SCN8A: variants seen among roughly 807,000 people sequenced by gnomAD.
The protein encoded by SCN8A is sodium channel protein type 8 subunit alpha.
A neutral mutation model predicts 184.1 loss-of-function variants in SCN8A; 30 were observed. That is an observed-to-expected ratio of 0.16 (90% CI 0.12 to 0.22). The LOEUF (loss-of-function observed/expected upper bound fraction) is 0.22. Among genes scored for constraint, SCN8A ranks in the 10% least tolerant of loss-of-function variants. The pLI is 1.00. For synonymous variants in SCN8A, 852 were observed against 907.0 expected (o/e 0.94, Z 1.09); for missense variants, 1,057 against 2,498.9 (o/e 0.42, Z 12.30).
intron 1 of SCN8A, among the ~76,000 whole-genome samples, chr12:51,608,875 G>A (rs928068739): frequency 6.6e-6 from 1 of 152,154 alleles, no homozygotes; most frequent in Non-Finnish European, 1.5e-5. Flanking sequence ...GTTTAGGGCC[G>A]TGAACTTTCC....
intron 14 of SCN8A, among the ~76,000 whole-genome samples, chr12:51,756,565 T>G (rs1341855156): frequency 6.6e-6 from 1 of 152,246 alleles, no homozygotes; most frequent in Non-Finnish European, 1.5e-5. Context: ...CCCACCACAC[T>G]TGGGCCTCAA....
At chr12:51,731,608 A>G (rs1195850607) in intron 12 of SCN8A, among the ~76,000 whole-genome samples, 1 of 152,130 alleles carries the variant, frequency 6.6e-6, no homozygotes, top group Non-Finnish European at 1.5e-5. Context: ...TCCGGATCGT[A>G]AGGTAGCTCT....
At chr12:51,789,554 C>A in intron 24 of SCN8A, 136 bp downstream of exon 24, 7 of 1,003,544 alleles carry the variant, frequency 7.0e-6, no homozygotes, top group Non-Finnish European at 1.0e-5. Flanking sequence ...GACCCTGGCC[C>A]CCATACGTTA....
At chr12:51,732,620 T>G (rs1319991152) in intron 12 of SCN8A, among the ~76,000 whole-genome samples, 4 of 152,204 alleles carry the variant, frequency 2.6e-5, no homozygotes, top group African/African-American at 9.6e-5. Context: ...CCATTGGTAT[T>G]TTGATAGGGA....
At chr12:51,804,381 T>C (rs1938635730) in intron 26 of SCN8A, among the ~76,000 whole-genome samples, 1 of 151,814 alleles carries the variant, frequency 6.6e-6, no homozygotes, top group African/African-American at 2.4e-5. Flanking sequence ...GGCTGGGGTG[T>C]GATCTCAGCT....
chr12:51,665,986 C>G (rs1199882195), intron 2 of SCN8A, among the ~76,000 whole-genome samples: 1 of 152,056 alleles, frequency 6.6e-6, no homozygotes, highest in Non-Finnish European at 1.5e-5. Context: ...CACTTGAACC[C>G]GGGAGGTGGA....
intron 11 of SCN8A, among the ~76,000 whole-genome samples, chr12:51,713,965 CA>C (rs1382401368): frequency 6.8e-6 from 1 of 146,790 alleles, no homozygotes; most frequent in Non-Finnish European, 1.5e-5. Context: ...TTTCCAAAAC[CA>C]AAAAAAAGGG....
intron 26 of SCN8A, among the ~76,000 whole-genome samples, chr12:51,798,298 A>G (rs1938463093): frequency 6.6e-6 from 1 of 152,238 alleles, no homozygotes; most frequent in South Asian, 2.1e-4. Context: ...TGTGTGGAAT[A>G]CCATGATGGT....
chr12:51,800,417 G>T (rs1383156027), intron 26 of SCN8A, among the ~76,000 whole-genome samples: 3 of 152,210 alleles, frequency 2.0e-5, no homozygotes, highest in Non-Finnish European at 4.4e-5. Flanking sequence ...CACCACCCCT[G>T]CATCTTTCAA....
At position 51,699,799 on chromosome 12, in the gene SCN8A, G is replaced by T. The variant is rs764498794; in HGVS notation, c.928+8G>T. The T allele has an allele frequency of 2.5e-6, 4 of 1,603,746 alleles. No individual in the cohort carries two copies. The highest frequency in any genetic ancestry group is 3.4e-6 in the Non-Finnish European group (4 of 1,172,924). ...AGTATATCAACAATAAAAGTAGGTG[G>T]CCTCTTCTCTGCAAGAGGAATAGGA... On this transcript the variant is annotated splice_region_variant and intron_variant, in intron 7 of 26. Coordinates refer to ENST00000627620, the MANE Select transcript of SCN8A (RefSeq NM_001330260.2).
chr12:51,705,082 A>T (rs1941760406), intron 9 of SCN8A, among the ~76,000 whole-genome samples: 1 of 152,202 alleles, frequency 6.6e-6, no homozygotes. Context: ...AGATAAATAA[A>T]CTGCAGTCTT....
At chr12:51,769,384 G>A in intron 17 of SCN8A, 49 bp downstream of exon 17, 1 of 1,380,680 alleles carries the variant, frequency 7.2e-7, no homozygotes, top group South Asian at 1.4e-5. Context: ...AGAGCAAACA[G>A]GGTGCTGTCA....
rs1361666726 is a variant in SCN8A at position 51,591,290 on chromosome 12, T to G, written c.-124T>G. The G allele has an allele frequency of 6.5e-6, 1 of 154,750 alleles. No individual in the cohort carries two copies. Among genetic ancestry groups the G allele is most frequent in the Non-Finnish European group, 1.4e-5 (1 of 69,760 alleles). 9.6% of individuals were successfully genotyped at this position (154,750 alleles called of 1,614,324 possible). A position where few individuals can be genotyped will look rare whatever the true frequency, so the allele number is the denominator to read the frequency against. ...CCCGCCCGCCGCATCCTCGGCGCCT[T>G]TGCAGTCCGGCCGCGCCTCCCGGGC... On this transcript the variant is annotated 5_prime_UTR_variant, in exon 1 of 27. Coordinates refer to ENST00000627620, the MANE Select transcript of SCN8A (RefSeq NM_001330260.2).
intron 26 of SCN8A, among the ~76,000 whole-genome samples, chr12:51,797,880 A>C (rs1938452735): frequency 6.6e-6 from 1 of 152,162 alleles, no homozygotes; most frequent in African/African-American, 2.4e-5. Context: ...TAGTGACAGC[A>C]TTCCTCCCTC....
intron 26 of SCN8A, among the ~76,000 whole-genome samples, chr12:51,805,685 G>A (rs1016354278): frequency 9.9e-5 from 15 of 151,968 alleles, no homozygotes; most frequent in Admixed American, 2.6e-4. Context: ...TTGAGCCCAG[G>A]AGTTCAAGAC....
chr12:51,601,855 G>GTTTT (rs938674707), intron 1 of SCN8A, among the ~76,000 whole-genome samples: 14 of 109,748 alleles, frequency 1.3e-4, no homozygotes, highest in South Asian at 3.1e-4. Flanking sequence ...CAGAGAAAGG[G>GTTTT]TTTTTTTTTT....
chr12:51,617,376 T>C (rs1253950623), intron 1 of SCN8A, among the ~76,000 whole-genome samples: 1 of 152,204 alleles, frequency 6.6e-6, no homozygotes, highest in Non-Finnish European at 1.5e-5. Context: ...GTCATCTCTA[T>C]TATACTATTG....
intron 20 of SCN8A, among the ~76,000 whole-genome samples, chr12:51,778,477 C>CG (rs1937781911): frequency 6.6e-6 from 1 of 151,978 alleles, no homozygotes; most frequent in South Asian, 2.1e-4. Context: ...TTAGTAGAGA[C>CG]GGGGTTTCAC....
rs147440799 is a variant in SCN8A, at chr12:51,652,288, T to C, written c.-54-10476T>C. On this transcript the variant is annotated intron_variant, in intron 1 of 26. Transcript: ENST00000627620. The stretch of plus-strand genomic sequence containing the variant: ...TTAGTCAGTCAACAAAACTGTCCAG[T>C]ACATCATCCCTGCTGCTGCTGCCTG... 2.3e-4 allele frequency among the ~76,000 whole-genome samples: 35 copies of C among 152,278 alleles called. No individual in the cohort carries two copies. The East Asian group carries it at 4.4e-3, about 19-fold the overall frequency.
Sources: gnomAD v4.1 joint callset for allele counts (sites outside exome capture counted in the v4.1 genomes callset) on GRCh38, gnomAD v4.1.1 for gene constraint, MANE v1.5 for transcripts, NCBI Gene and HGNC (gene_info 2026-07-23, HGNC 2026-07-21) for gene names.